The following GLIS3 variants were observed in gnomAD, a reference collection of about 807,000 sequenced individuals.
GLIS3 encodes zinc finger protein GLIS3.
GLIS3 carries 53 observed loss-of-function variants against 78.6 expected under a neutral mutation model. That is an observed-to-expected ratio of 0.67 (90% CI 0.54 to 0.85). The LOEUF (loss-of-function observed/expected upper bound fraction) is 0.85. GLIS3 is among the 40% of genes least tolerant of loss of function. The pLI, the probability that GLIS3 is intolerant of heterozygous loss-of-function variation, is 0.00. For synonymous variants in GLIS3, 684 were observed against 509.9 expected (o/e 1.34, Z -4.60); for missense variants, 1,703 against 1,231.1 (o/e 1.38, Z -5.74).
the GLIS3 span, among the ~76,000 whole-genome samples, chr9:4,426,210 T>C: frequency 6.6e-6 from 1 of 152,154 alleles, no homozygotes; most frequent in East Asian, 1.9e-4. Context: ...AATGCCCCAC[T>C]ACTGCTCCCA....
chr9:4,209,873 T>C (rs1429775999), intron 2 of GLIS3, among the ~76,000 whole-genome samples: 1 of 151,356 alleles, frequency 6.6e-6, no homozygotes, highest in South Asian at 2.1e-4. Flanking sequence ...TCACCCCAAG[T>C]TGAGAACCAC....
intron 2 of GLIS3, among the ~76,000 whole-genome samples, chr9:4,139,862 C>T (rs541841814): frequency 6.6e-6 from 1 of 152,322 alleles, no homozygotes; most frequent in African/African-American, 2.4e-5. Context: ...GTAATGCCCA[C>T]TGCTCACCTG....
chr9:4,145,665 G>T (rs1279722402), intron 2 of GLIS3, among the ~76,000 whole-genome samples: 1 of 151,796 alleles, frequency 6.6e-6, no homozygotes, highest in Admixed American at 6.6e-5. Flanking sequence ...TCTGTCAGAG[G>T]GACCTAACAT....
the GLIS3 span, among the ~76,000 whole-genome samples, chr9:4,383,133 G>T: frequency 5.3e-5 from 8 of 152,228 alleles, no homozygotes; most frequent in Non-Finnish European, 8.8e-5. Flanking sequence ...ATGTGAGAAA[G>T]CAAGAACTGA....
chr9:4,349,796 T>C (rs564551660), upstream of GLIS3, among the ~76,000 whole-genome samples: 1 of 152,068 alleles, frequency 6.6e-6, no homozygotes, highest in Non-Finnish European at 1.5e-5. Flanking sequence ...AGAAGAAACC[T>C]AAATTCATGG....
At chr9:4,279,946 T>G (rs1827397311) in intron 2 of GLIS3, among the ~76,000 whole-genome samples, 1 of 151,850 alleles carries the variant, frequency 6.6e-6, no homozygotes, top group African/African-American at 2.4e-5. Context: ...AAATCTGATA[T>G]AATAATTTAT....
chr9:4,333,601 C>T (rs1301050195), intron 2 of GLIS3, among the ~76,000 whole-genome samples: 2 of 152,004 alleles, frequency 1.3e-5, no homozygotes, highest in East Asian at 1.9e-4. Flanking sequence ...AGAAAAGTGA[C>T]CTATTCAATT....
intron 2 of GLIS3, among the ~76,000 whole-genome samples, chr9:4,244,987 A>G (rs1334634580): frequency 6.6e-6 from 1 of 152,222 alleles, no homozygotes. Flanking sequence ...GAGTTATCCA[A>G]GAAAAAATGA....
intron 2 of GLIS3, among the ~76,000 whole-genome samples, chr9:4,279,851 C>G (rs1827389526): frequency 1.3e-5 from 2 of 149,890 alleles, no homozygotes; most frequent in South Asian, 4.2e-4. Context: ...GTGAAGTAGG[C>G]TAAAGAGATA....
intron 9 of GLIS3, among the ~76,000 whole-genome samples, chr9:3,849,413 G>A (rs931684744): frequency 2.0e-5 from 3 of 152,216 alleles, no homozygotes; most frequent in Non-Finnish European, 4.4e-5. Context: ...GTGACTAAGA[G>A]TACGCTTGTC....
At chr9:4,460,208 T>C in the GLIS3 span, among the ~76,000 whole-genome samples, 3 of 152,076 alleles carry the variant, frequency 2.0e-5, no homozygotes, top group Non-Finnish European at 4.4e-5. Context: ...TCTTGAAATA[T>C]AAATGTGGAT....
At chr9:4,116,682 G>A (rs1297323675) in intron 4 of GLIS3, among the ~76,000 whole-genome samples, 1 of 152,124 alleles carries the variant, frequency 6.6e-6, no homozygotes, top group African/African-American at 2.4e-5. Flanking sequence ...ACATACTACA[G>A]AAAGAAGGAA....
the GLIS3 span, among the ~76,000 whole-genome samples, chr9:4,437,570 G>A: frequency 6.6e-6 from 1 of 152,144 alleles, no homozygotes; most frequent in African/African-American, 2.4e-5. Context: ...TTTGGCAGCT[G>A]GCCCAAAGTC....
chr9:4,453,717 A>T, the GLIS3 span, among the ~76,000 whole-genome samples: 1 of 152,218 alleles, frequency 6.6e-6, no homozygotes, highest in African/African-American at 2.4e-5. Flanking sequence ...ATGAAGCTGG[A>T]AACCATCATT....
intron 1 of GLIS3, chr9:4,298,536 G>A (rs1170899845): frequency 1.1e-5 from 4 of 370,688 alleles, no homozygotes; most frequent in South Asian, 2.0e-5. Context: ...GAGAGCCGGC[G>A]GCTCACTCAC....
chr9:4,010,781 T>G (rs1821940176), intron 4 of GLIS3, among the ~76,000 whole-genome samples: 1 of 152,130 alleles, frequency 6.6e-6, no homozygotes, highest in South Asian at 2.1e-4. Context: ...TTTTACTAAA[T>G]CTCTTTGTGC....
At chr9:4,471,224 A>G in the GLIS3 span, among the ~76,000 whole-genome samples, 12 of 152,184 alleles carry the variant, frequency 7.9e-5, no homozygotes, top group Non-Finnish European at 1.5e-4. Flanking sequence ...CAAGCTACCA[A>G]TGACTTTCTT....
At chr9:4,451,431 A>T in the GLIS3 span, among the ~76,000 whole-genome samples, 1 of 152,218 alleles carries the variant, frequency 6.6e-6, no homozygotes, top group African/African-American at 2.4e-5. Flanking sequence ...TCAATATTAG[A>T]CAGATCAACA....
At chr9:3,916,697 T>C (rs977943610) in intron 6 of GLIS3, among the ~76,000 whole-genome samples, 1 of 152,174 alleles carries the variant, frequency 6.6e-6, no homozygotes, top group Non-Finnish European at 1.5e-5. Context: ...CATTTTTTTT[T>C]CTCCTCCTGA....
Sources: gnomAD v4.1 joint callset for allele counts (sites outside exome capture counted in the v4.1 genomes callset) on GRCh38, gnomAD v4.1.1 for gene constraint, MANE v1.5 for transcripts, NCBI Gene and HGNC (gene_info 2026-07-23, HGNC 2026-07-21) for gene names.